RIMS2: variants seen among roughly 807,000 people sequenced by gnomAD.
RIMS2 encodes regulating synaptic membrane exocytosis 2.
RIMS2 carries 59 observed loss-of-function variants against 174.4 expected under a neutral mutation model. That is an observed-to-expected ratio of 0.34 (90% CI 0.27 to 0.42). RIMS2 has a LOEUF of 0.42. Ranked by LOEUF, RIMS2 falls within the 10% of genes least tolerant of loss-of-function variation. The pLI is 1.00. For synonymous variants in RIMS2, 606 were observed against 572.5 expected, an observed-to-expected ratio of 1.06 and a Z score of -0.84; for missense variants, 1,620 against 1,666.3, an observed-to-expected ratio of 0.97 and a Z score of 0.48.
At chr8:104,228,026 T>TTC (rs1241574824) in intron 19 of RIMS2, among the ~76,000 whole-genome samples, 1 of 141,050 alleles carries the variant, frequency 7.1e-6, no homozygotes, top group African/African-American at 2.8e-5. Context: ...TTTCTTTTCT[T>TTC]TTTTTTTTTT....
At chr8:103,681,110 G>A (rs542884580) in intron 1 of RIMS2, among the ~76,000 whole-genome samples, 1 of 152,114 alleles carries the variant, frequency 6.6e-6, no homozygotes, top group African/African-American at 2.4e-5. Context: ...CCATTAAAAT[G>A]CATGAACTAG....
At chr8:103,694,884 T>A (rs541278971) in intron 1 of RIMS2, among the ~76,000 whole-genome samples, 1 of 152,218 alleles carries the variant, frequency 6.6e-6, no homozygotes, top group East Asian at 1.9e-4. Context: ...AAAGACCAAG[T>A]CTGATGGTCA....
At position 103,926,131 on chromosome 8, in the gene RIMS2, CTTTTA is replaced by C. The variant is rs879719214; in HGVS notation, c.2197-1704_2197-1700del. 1.7e-4 allele frequency among the ~76,000 whole-genome samples: 25 copies of C among 151,338 alleles called. 2 individuals carry two copies. Among genetic ancestry groups the C allele is most frequent in the Admixed American group, 1.2e-3 (18 of 15,182 alleles). ...TGAAAGTATTCCTTTTAAAGTGAAT[CTTTTA>C]TTTTATGACATAATATTTACTTGTA... is the stretch of plus-strand genomic sequence containing the variant. On this transcript the variant is annotated intron_variant, in intron 10 of 23. Transcript: ENST00000504942.
At chr8:103,707,132 T>G (rs2097241946) in intron 2 of RIMS2, among the ~76,000 whole-genome samples, 1 of 152,202 alleles carries the variant, frequency 6.6e-6, no homozygotes, top group South Asian at 2.1e-4. Context: ...TAGTTCAGTT[T>G]CCATGCTGCC....
intron 19 of RIMS2, among the ~76,000 whole-genome samples, chr8:104,178,362 G>C (rs2098918212): frequency 6.6e-6 from 1 of 152,116 alleles, no homozygotes; most frequent in Non-Finnish European, 1.5e-5. Context: ...TGGCTCATGG[G>C]ACCCTTCCAT....
intron 19 of RIMS2, among the ~76,000 whole-genome samples, chr8:104,067,054 A>G (rs367623842): frequency 6.6e-6 from 1 of 152,214 alleles, no homozygotes; most frequent in African/African-American, 2.4e-5. Flanking sequence ...AGGGGATACC[A>G]TAACTTCTAG....
At chr8:104,253,690 T>A (rs146111359), downstream of RIMS2, 19 of 152,330 alleles carry the variant, frequency 1.2e-4, no homozygotes, top group African/African-American at 4.1e-4. Flanking sequence ...CATGGTTCTT[T>A]ATGTACATTT....
intron 1 of RIMS2, among the ~76,000 whole-genome samples, chr8:103,531,878 C>G (rs1837332676): frequency 6.6e-6 from 1 of 152,190 alleles, no homozygotes; most frequent in African/African-American, 2.4e-5. Context: ...TATATCCTCT[C>G]TTTAACACTA....
intron 19 of RIMS2, among the ~76,000 whole-genome samples, chr8:104,175,413 G>A (rs13272503): frequency 0.093 from 14,064 of 151,954 alleles, 1,339 homozygotes; most frequent in East Asian, 0.51. Context: ...GGTAAATGGG[G>A]TCTCTATCCC....
At chr8:104,062,321 T>C (rs958874089) in intron 19 of RIMS2, among the ~76,000 whole-genome samples, 1 of 152,116 alleles carries the variant, frequency 6.6e-6, no homozygotes, top group African/African-American at 2.4e-5. Flanking sequence ...GGAGAATTGC[T>C]TCAACCCAGG....
intron 19 of RIMS2, among the ~76,000 whole-genome samples, chr8:104,099,809 T>C (rs2097838483): frequency 6.7e-6 from 1 of 149,336 alleles, no homozygotes; most frequent in Non-Finnish European, 1.5e-5. Flanking sequence ...AAACATTTAT[T>C]TTTTCTTTAC....
At chr8:103,986,650 A>T (rs929433139) in intron 16 of RIMS2, among the ~76,000 whole-genome samples, 12 of 152,058 alleles carry the variant, frequency 7.9e-5, no homozygotes, top group African/African-American at 2.9e-4. Context: ...AATGAAAGTT[A>T]AAATAACAAC....
chr8:103,864,484 G>A (rs2154503492), intron 3 of RIMS2, among the ~76,000 whole-genome samples: 1 of 152,228 alleles, frequency 6.6e-6, no homozygotes, highest in Middle Eastern at 3.4e-3. Context: ...GTGGTTTTGA[G>A]AGTTCTTCTA....
intron 16 of RIMS2, among the ~76,000 whole-genome samples, chr8:103,987,231 A>G (rs1399764270): frequency 6.6e-6 from 1 of 151,998 alleles, no homozygotes; most frequent in African/African-American, 2.4e-5. Context: ...GGCTCAAGCA[A>G]TCCTCTAGGC....
At chr8:103,526,988 A>G (rs1392564910) in intron 1 of RIMS2, among the ~76,000 whole-genome samples, 1 of 152,176 alleles carries the variant, frequency 6.6e-6, no homozygotes, top group Non-Finnish European at 1.5e-5. Flanking sequence ...CCCCAAAACA[A>G]CAAAAATCCT....
At chr8:103,757,885 T>C (rs540811504) in intron 2 of RIMS2, among the ~76,000 whole-genome samples, 3 of 152,316 alleles carry the variant, frequency 2.0e-5, no homozygotes, top group African/African-American at 7.2e-5. Flanking sequence ...CAGAAGCTGA[T>C]TGCCAGAGGA....
chr8:103,508,751 G>A (rs1208361560), intron 1 of RIMS2, among the ~76,000 whole-genome samples: 1 of 152,066 alleles, frequency 6.6e-6, no homozygotes, highest in African/African-American at 2.4e-5. Flanking sequence ...CTATTTAGGA[G>A]ATTCTTACAG....
intron 19 of RIMS2, among the ~76,000 whole-genome samples, chr8:104,162,145 C>T (rs866191847): frequency 3.9e-5 from 6 of 152,120 alleles, no homozygotes; most frequent in Middle Eastern, 3.2e-3. Flanking sequence ...GGGTGCAGTG[C>T]ATGGACATCT....
intron 1 of RIMS2, among the ~76,000 whole-genome samples, chr8:103,617,746 A>G (rs1371073731): frequency 6.6e-6 from 1 of 152,206 alleles, no homozygotes; most frequent in African/African-American, 2.4e-5. Context: ...CAACAGGCAT[A>G]TGAAAAAAAT....
Sources: gnomAD v4.1 joint callset for allele counts (sites outside exome capture counted in the v4.1 genomes callset) on GRCh38, gnomAD v4.1.1 for gene constraint, MANE v1.5 for transcripts, NCBI Gene and HGNC (gene_info 2026-07-23, HGNC 2026-07-21) for gene names.